The following BNIP2 variants were observed in gnomAD, a reference collection of about 807,000 sequenced individuals.
BNIP2 encodes BCL2 interacting protein 2, also known as BCL2/adenovirus E1B 19 kDa protein-interacting protein 2.
BNIP2 carries 36 observed loss-of-function variants against 43.4 expected under a neutral mutation model. That is an observed-to-expected ratio of 0.83 (90% confidence interval 0.64 to 1.10). The LOEUF is 1.10. BNIP2 is among the 50% of genes least tolerant of loss of function. BNIP2 has a pLI of 0.00. For missense variants in BNIP2, 417 were observed against 374.1 expected, an observed-to-expected ratio of 1.11 and a Z score of -0.95; for synonymous variants, 146 against 121.0, an observed-to-expected ratio of 1.21 and a Z score of -1.35.
chr15:59,682,679 G>A (rs1893763884), intron 1 of BNIP2, among the ~76,000 whole-genome samples, 165 bp from the exon 2 acceptor site: 1 of 150,908 alleles, frequency 6.6e-6, no homozygotes. Flanking sequence ...AAAGAAAAGA[G>A]AATACTCAGA....
At chr15:59,687,422 G>C (rs568524429) in intron 1 of BNIP2, among the ~76,000 whole-genome samples, 25 of 150,388 alleles carry the variant, frequency 1.7e-4, no homozygotes, top group African/African-American at 6.1e-4. Context: ...TGCAATCTCG[G>C]CTCGCTACAA....
rs1377724557 is a variant in BNIP2 at position 59,663,488 on chromosome 15, T to C, written c.*581A>G. ...GAAAAAAACCTTGGGATGGTACTAA[T>C]ACACTTCGATTATATACATGATCTT... On this transcript the variant is annotated 3_prime_UTR_variant, in exon 10 of 10. Transcript: ENST00000607373. 2 of 152,660 alleles carry C rather than the reference T, an allele frequency of 1.3e-5. No individual in the cohort carries two copies. The highest frequency in any genetic ancestry group is 2.9e-5 in the Non-Finnish European group (2 of 68,050). 9.5% of individuals were successfully genotyped at this position (152,660 alleles called of 1,614,324 possible).
At chr15:59,677,378 A>T in intron 5 of BNIP2, 1 of 1,536,050 alleles carries the variant, frequency 6.5e-7, no homozygotes, top group South Asian at 1.2e-5. Flanking sequence ...CTTAAGCCAT[A>T]AGGGTTGGTT....
At chr15:59,683,220 C>T (rs963041142) in intron 1 of BNIP2, among the ~76,000 whole-genome samples, 10 of 82 alleles carry the variant, frequency 0.12, no homozygotes, top group Admixed American at 0.41. Context: ...CAAGGAATCA[C>T]GTGAGTCCAA....
intron 1 of BNIP2, among the ~76,000 whole-genome samples, chr15:59,687,669 A>G (rs1215202732): frequency 1.3e-5 from 2 of 152,044 alleles, no homozygotes; most frequent in Non-Finnish European, 2.9e-5. Flanking sequence ...TCAGCCCGGT[A>G]ACTTACTAGA....
At chr15:59,675,808 G>A (rs573407716) in intron 5 of BNIP2, among the ~76,000 whole-genome samples, 101 of 152,160 alleles carry the variant, frequency 6.6e-4, no homozygotes, top group Non-Finnish European at 1.1e-3. Context: ...CTGTGGATAC[G>A]TGCAACAACA....
chr15:59,688,975 A>C (rs1894206719), intron 1 of BNIP2, 160 bp downstream of exon 1: 1 of 1,440,724 alleles, frequency 6.9e-7, no homozygotes, highest in Admixed American at 2.8e-5. Context: ...TCCAGGAAGC[A>C]CCTCCCGAGC....
rs1422167812 is a variant in BNIP2, at chr15:59,676,634, CATA to C, written c.472+1274_472+1276del. 1.1e-4 allele frequency: 64 copies of C among 564,596 alleles called. No homozygotes were observed. The South Asian group carries it at 1.5e-3, about 13-fold the overall frequency. 35.0% of individuals were successfully genotyped at this position (564,596 alleles called of 1,614,324 possible). A position where few individuals can be genotyped will look rare whatever the true frequency, so the allele number is the denominator to read the frequency against. On this transcript the variant is annotated intron_variant, in intron 5 of 9. Coordinates refer to ENST00000607373, the MANE Select transcript of BNIP2 (RefSeq NM_004330.4). Reference sequence around the variant, plus strand: ...AATGCTTATTATTCTTTCAAAATTACATAATATCTCTAGGCAGAGTTTCTAAAA... The same window carrying C: ...AATGCTTATTATTCTTTCAAAATTACATATCTCTAGGCAGAGTTTCTAAAA...
chr15:59,675,064 T>A (rs1338234009), intron 5 of BNIP2, among the ~76,000 whole-genome samples: 1 of 146,978 alleles, frequency 6.8e-6, no homozygotes, highest in Non-Finnish European at 1.5e-5. Context: ...GCCTGGCCAA[T>A]ATGGTGAAAC....
intron 1 of BNIP2, among the ~76,000 whole-genome samples, chr15:59,685,025 T>C (rs722164): frequency 0.33 from 50,253 of 152,116 alleles, 8,645 homozygotes; most frequent in East Asian, 0.54. Context: ...GGATTTGTCA[T>C]GTGTTACCCC....
At chr15:59,666,869 A>C (rs1292591615) in intron 9 of BNIP2, among the ~76,000 whole-genome samples, 2 of 152,176 alleles carry the variant, frequency 1.3e-5, no homozygotes, top group Admixed American at 6.5e-5. Context: ...GTTTCAAACA[A>C]TATATTTAAA....
chr15:59,668,741 TC>T (rs397843717), intron 9 of BNIP2, 150 bp downstream of exon 9: 7 of 539,748 alleles, frequency 1.3e-5, no homozygotes, highest in Admixed American at 1.1e-4. Context: ...AATGGCTTCT[TC>T]CTCTTTTTCT....
intron 1 of BNIP2, 139 bp from the exon 2 acceptor site, chr15:59,682,653 A>ATTTT: frequency 2.3e-6 from 1 of 443,710 alleles, no homozygotes; most frequent in African/African-American, 2.1e-5. Context: ...CAGGGTTGCA[A>ATTTT]TTTTTTTTTT....
rs1429495219 is a variant in BNIP2, at chr15:59,677,932, T to C, written c.451A>G (p.Lys151Glu). ...RVDMKAIEPYKKVISHGGYYG... is the reference protein window; with the variant it reads ...RVDMKAIEPYEKVISHGGYYG... ...TTACCCCCATGGCTGATAACTTTTT[T>C]ATAGGGTTCAATTGCCTTCATATCA... Residue 151 changes from lysine to glutamate, a missense_variant, in exon 5 of 10, where the codon AAA becomes GAA. By Grantham distance (56) the Lys-to-Glu change is moderately conservative. Coordinates refer to ENST00000607373, the MANE Select transcript of BNIP2 (RefSeq NM_004330.4). 1 of 1,609,786 alleles carries C rather than the reference T, an allele frequency of 6.2e-7. No homozygotes were observed. Among genetic ancestry groups the C allele is most frequent in the South Asian group, 1.1e-5 (1 of 89,910 alleles).
chr15:59,683,991 G>A (rs1370280707), intron 1 of BNIP2, among the ~76,000 whole-genome samples: 1 of 152,170 alleles, frequency 6.6e-6, no homozygotes, highest in Admixed American at 6.5e-5. Flanking sequence ...ATGTGGTCAT[G>A]TCCTATAGCT....
chr15:59,663,495 C>T lies in BNIP2; in HGVS notation c.*574G>A, dbSNP rs989373183. 1.3e-5 allele frequency: 2 copies of T among 152,512 alleles called. No homozygotes were observed. The highest frequency in any genetic ancestry group is 1.9e-4 in the East Asian group (1 of 5,200). 9.4% of individuals were successfully genotyped at this position (152,512 alleles called of 1,614,324 possible). On this transcript the variant is annotated 3_prime_UTR_variant, in exon 10 of 10. Transcript: ENST00000607373. ...ACCTTGGGATGGTACTAATACACTT[C>T]GATTATATACATGATCTTTGGGTAT...
rs1363526415 is a variant in BNIP2 at position 59,659,146 on chromosome 15, A to G, written c.*4923T>C. ...AAAATGTGATAAAAAGACAAAGACG[A>G]ACGTTCCAATTAATTTATTTAAATT... On this transcript the variant is annotated 3_prime_UTR_variant, in exon 10 of 10. Coordinates refer to ENST00000607373, the MANE Select transcript of BNIP2 (RefSeq NM_004330.4). 1.3e-5 allele frequency: 2 copies of G among 152,258 alleles called. No homozygotes were observed. The highest frequency in any genetic ancestry group is 4.8e-5 in the African/African-American group (2 of 41,460). 9.4% of individuals were successfully genotyped at this position (152,258 alleles called of 1,614,324 possible). A position where few individuals can be genotyped will look rare whatever the true frequency, so the allele number is the denominator to read the frequency against.
rs372634766 is a variant in BNIP2, at chr15:59,682,401, T to C, written c.50+7A>G. 6.2e-6 allele frequency: 10 copies of C among 1,606,628 alleles called. No individual in the cohort carries two copies. The East Asian group carries it at 8.9e-5, about 14-fold the overall frequency. On this transcript the variant is annotated splice_region_variant and intron_variant, in intron 2 of 9. Coordinates refer to ENST00000607373, the MANE Select transcript of BNIP2 (RefSeq NM_004330.4). ...TAAAATTGTTTTCTTTTAAAAGCATTGCTCACATCGGAAAATCTTCATCTT... is the reference window on the plus strand; with the variant it reads ...TAAAATTGTTTTCTTTTAAAAGCATCGCTCACATCGGAAAATCTTCATCTT...
At chr15:59,668,178 T>C (rs1475811255) in intron 9 of BNIP2, 1 of 1,132,298 alleles carries the variant, frequency 8.8e-7, no homozygotes, top group South Asian at 1.4e-5. Flanking sequence ...ATACATGTTA[T>C]GAAAATGAAT....
Sources: allele counts gnomAD v4.1 joint callset (sites outside exome capture counted in the v4.1 genomes callset), GRCh38; gene constraint gnomAD v4.1.1; transcripts MANE v1.5; gene names NCBI Gene and HGNC (gene_info 2026-07-23, HGNC 2026-07-21).